ELMO1: variants seen among roughly 807,000 people sequenced by gnomAD.
ELMO1 encodes the protein engulfment and cell motility protein 1.
ELMO1 carries 26 observed loss-of-function variants against 98.9 expected under a neutral mutation model. The ratio of observed to expected loss-of-function variants is 0.26; its 90% CI spans 0.19 to 0.36. The LOEUF is 0.36. ELMO1 is among the 10% of genes least tolerant of loss of function. The pLI, the probability that ELMO1 is intolerant of heterozygous loss-of-function variation, is 1.00. For synonymous variants in ELMO1, 346 were observed against 346.0 expected (o/e 1.00, Z 0.00); for missense variants, 627 against 935.2 (o/e 0.67, Z 4.30).
At chr7:36,949,769 C>T (rs1300018211) in intron 16 of ELMO1, among the ~76,000 whole-genome samples, 1 of 152,042 alleles carries the variant, frequency 6.6e-6, no homozygotes, top group Non-Finnish European at 1.5e-5. Context: ...ATATCTCTGG[C>T]CTCTGCTCAC....
chr7:37,177,285 C>T (rs534573465), intron 13 of ELMO1, among the ~76,000 whole-genome samples: 53 of 152,284 alleles, frequency 3.5e-4, no homozygotes, highest in African/African-American at 1.2e-3. Context: ...CAATGGTTGC[C>T]AAACACATTC....
At chr7:36,920,004 G>A (rs1253006031) in intron 16 of ELMO1, among the ~76,000 whole-genome samples, 2 of 152,198 alleles carry the variant, frequency 1.3e-5, no homozygotes, top group Non-Finnish European at 2.9e-5. Flanking sequence ...GATCAGGGAT[G>A]CTTTGGTTCT....
chr7:37,413,504 C>T (rs760694421), intron 1 of ELMO1, among the ~76,000 whole-genome samples: 4 of 152,202 alleles, frequency 2.6e-5, no homozygotes, highest in Non-Finnish European at 5.9e-5. Context: ...GCAAGCAGGA[C>T]AATCACCAAA....
intron 1 of ELMO1, among the ~76,000 whole-genome samples, chr7:37,383,937 T>C (rs943318702): frequency 1.3e-5 from 2 of 152,148 alleles, no homozygotes; most frequent in Admixed American, 1.3e-4. Flanking sequence ...TGCCTCAGCC[T>C]CCTGAGTAGC....
At chr7:37,024,806 T>A (rs952509730) in intron 15 of ELMO1, among the ~76,000 whole-genome samples, 1 of 149,950 alleles carries the variant, frequency 6.7e-6, no homozygotes, top group African/African-American at 2.5e-5. Flanking sequence ...ACAAATATGA[T>A]TTTTTTTTCA....
chr7:36,880,285 C>T (rs1388584968), intron 18 of ELMO1, among the ~76,000 whole-genome samples: 2 of 152,242 alleles, frequency 1.3e-5, no homozygotes, highest in Non-Finnish European at 2.9e-5. Context: ...GCTTCTCAAG[C>T]TGGGGTAAGT....
At chr7:37,249,586 G>A (rs187772960) in intron 6 of ELMO1, among the ~76,000 whole-genome samples, 5 of 152,214 alleles carry the variant, frequency 3.3e-5, no homozygotes, top group African/African-American at 4.8e-5. Context: ...AAAACCAGCC[G>A]AGTATTGACC....
At chr7:37,350,650 G>A (rs1562636416) in intron 1 of ELMO1, among the ~76,000 whole-genome samples, 1 of 152,184 alleles carries the variant, frequency 6.6e-6, no homozygotes, top group African/African-American at 2.4e-5. Flanking sequence ...TTTAGTATGA[G>A]AACTGTTACA....
At chr7:37,315,837 T>C (rs1799124982) in intron 3 of ELMO1, 83 bp downstream of exon 3, 4 of 1,267,474 alleles carry the variant, frequency 3.2e-6, no homozygotes, top group Non-Finnish European at 4.5e-6. Flanking sequence ...ATGAATAATA[T>C]TTTACTATCC....
At chr7:37,144,662 A>G (rs1479534180) in intron 13 of ELMO1, among the ~76,000 whole-genome samples, 1 of 152,196 alleles carries the variant, frequency 6.6e-6, no homozygotes, top group Non-Finnish European at 1.5e-5. Flanking sequence ...GAATCACAGC[A>G]GACAGCTCTC....
chr7:37,167,367 T>C (rs1237861523), intron 13 of ELMO1, among the ~76,000 whole-genome samples: 2 of 152,092 alleles, frequency 1.3e-5, no homozygotes, highest in African/African-American at 4.8e-5. Flanking sequence ...ATGTGTGAAT[T>C]TGATCCTGTC....
chr7:37,339,192 C>T (rs1415367512), intron 2 of ELMO1, among the ~76,000 whole-genome samples: 1 of 152,230 alleles, frequency 6.6e-6, no homozygotes, highest in Non-Finnish European at 1.5e-5. Context: ...TCATCTGGTG[C>T]TTATCACAGA....
At chr7:36,926,278 G>A (rs1785563707) in intron 16 of ELMO1, among the ~76,000 whole-genome samples, 1 of 152,218 alleles carries the variant, frequency 6.6e-6, no homozygotes, top group Admixed American at 6.5e-5. Flanking sequence ...TTTTGCAGGT[G>A]AAGAACCAGG....
At chr7:37,226,227 G>A (rs556351577) in intron 8 of ELMO1, among the ~76,000 whole-genome samples, 7 of 152,248 alleles carry the variant, frequency 4.6e-5, no homozygotes, top group East Asian at 1.9e-4. Flanking sequence ...TTTACATTCC[G>A]AAAAGCTATT....
intron 16 of ELMO1, among the ~76,000 whole-genome samples, chr7:37,007,982 C>T (rs1793263904): frequency 6.6e-6 from 1 of 152,194 alleles, no homozygotes; most frequent in Non-Finnish European, 1.5e-5. Flanking sequence ...TTTTCATTTG[C>T]AAGCCTGAGA....
intron 13 of ELMO1, among the ~76,000 whole-genome samples, chr7:37,189,880 T>C (rs997302092): frequency 6.6e-6 from 1 of 152,176 alleles, no homozygotes; most frequent in Non-Finnish European, 1.5e-5. Context: ...CATTTTTATC[T>C]AAAAAATGAC....
chr7:37,350,078 G>A (rs533397277), intron 1 of ELMO1, among the ~76,000 whole-genome samples: 111 of 152,262 alleles, frequency 7.3e-4, no homozygotes, highest in African/African-American at 2.5e-3. Context: ...ATGGGTATAT[G>A]GTGGGGGTGT....
At chr7:37,319,486 A>C (rs1215067283) in intron 2 of ELMO1, among the ~76,000 whole-genome samples, 1 of 152,020 alleles carries the variant, frequency 6.6e-6, no homozygotes, top group African/African-American at 2.4e-5. Flanking sequence ...TTGAGCGTAC[A>C]CCCCAATCTC....
intron 16 of ELMO1, among the ~76,000 whole-genome samples, chr7:36,964,767 G>C (rs900154165): frequency 3.3e-5 from 5 of 152,076 alleles, no homozygotes; most frequent in Admixed American, 2.0e-4. Context: ...AAATGAACCT[G>C]CGCATACACA....
Sources: gnomAD v4.1 joint callset for allele counts (sites outside exome capture counted in the v4.1 genomes callset) on GRCh38, gnomAD v4.1.1 for gene constraint, MANE v1.5 for transcripts, NCBI Gene and HGNC (gene_info 2026-07-23, HGNC 2026-07-21) for gene names.